BIN1: variants seen among roughly 807,000 people sequenced by gnomAD.
BIN1 encodes bridging integrator 1.
Under a neutral mutation model 82.0 loss-of-function variants are expected in BIN1, and 53 were observed. The ratio of observed to expected loss-of-function variants is 0.65; its 90% CI spans 0.52 to 0.81. The LOEUF is 0.81. Among genes scored for constraint, BIN1 ranks in the 40% least tolerant of loss-of-function variants. BIN1 has a pLI of 0.00. For synonymous variants in BIN1, 302 were observed against 328.0 expected, an observed-to-expected ratio of 0.92 and a Z score of 0.86; for missense variants, 642 against 784.4, an observed-to-expected ratio of 0.82 and a Z score of 2.17.
At chr2:127,091,189 G>T (rs1013109484) in intron 1 of BIN1, among the ~76,000 whole-genome samples, 6 of 151,954 alleles carry the variant, frequency 3.9e-5, no homozygotes, top group African/African-American at 1.5e-4. Flanking sequence ...GCTTTAGATA[G>T]CGCCCACCCA....
intron 2 of BIN1, among the ~76,000 whole-genome samples, 177 bp from the exon 3 acceptor site, chr2:127,070,993 T>C (rs1478716672): frequency 6.6e-6 from 1 of 152,100 alleles, no homozygotes; most frequent in African/African-American, 2.4e-5. Flanking sequence ...TCAGAAGCCC[T>C]GCGTCCATAG....
chr2:127,065,842 C>A (rs144499724), intron 7 of BIN1, among the ~76,000 whole-genome samples: 1 of 152,178 alleles, frequency 6.6e-6, no homozygotes, highest in Non-Finnish European at 1.5e-5. Flanking sequence ...GTCTTGTATT[C>A]CCTTTGGGTG....
intron 10 of BIN1, among the ~76,000 whole-genome samples, chr2:127,060,938 T>G (rs570690300): frequency 1.3e-5 from 2 of 152,268 alleles, no homozygotes; most frequent in African/African-American, 4.8e-5. Flanking sequence ...GCTCCAGGTG[T>G]GCCCAGAGTG....
rs759773448 is a variant in BIN1 at position 127,106,878 on chromosome 2, G to A, written c.66C>T (p.Leu22=). 4 of 1,611,426 alleles carry A rather than the reference G, an allele frequency of 2.5e-6. No individual in the cohort carries two copies. The highest frequency in any genetic ancestry group is 3.4e-6 in the Non-Finnish European group (4 of 1,179,386). The change falls in exon 1 of 19, where the codon CTC becomes CTT. Residue 22 remains leucine (L), a synonymous_variant. Coordinates refer to ENST00000316724, the MANE Select transcript of BIN1 (RefSeq NM_139343.3). The stretch of plus-strand genomic sequence containing the variant: ...CGCTCACCTTCTCCTGCGCGCGGGT[G>A]AGCTTCTTCTGCACGTTGCTGGCGA... The part of the protein sequence containing the change: ...GKIASNVQKK[L]TRAQEKVLQK...
chr2:127,105,792 C>G (rs1456678986), intron 1 of BIN1, among the ~76,000 whole-genome samples: 3 of 152,214 alleles, frequency 2.0e-5, no homozygotes, highest in Non-Finnish European at 4.4e-5. Flanking sequence ...CGCCTCCACC[C>G]GGCGGCCGCG....
chr2:127,084,448 C>G lies in BIN1; in HGVS notation c.85-7742G>C, dbSNP rs1185170287. On this transcript the variant is annotated intron_variant, in intron 1 of 18. Coordinates refer to ENST00000316724, the MANE Select transcript of BIN1 (RefSeq NM_139343.3). ...ACACGTCCTCATTCATCTCCAGGCG[C>G]TTCCTTACTTTCTGGCACTAGCAGA... Among the ~76,000 whole-genome samples the G allele has an allele frequency of 3.9e-5, 6 of 152,264 alleles. No individual in the cohort carries two copies. In the East Asian group the frequency reaches 1.2e-3, roughly 29 times the overall value.
At chr2:127,074,418 C>T (rs1686329370) in intron 2 of BIN1, among the ~76,000 whole-genome samples, 1 of 152,214 alleles carries the variant, frequency 6.6e-6, no homozygotes. Flanking sequence ...CAAACCTGAG[C>T]CCGGGGGCAG....
intron 13 of BIN1, chr2:127,053,673 A>T: frequency 1.4e-6 from 1 of 724,334 alleles, no homozygotes; most frequent in Non-Finnish European, 2.4e-6. Context: ...CCAAGCGATG[A>T]GCACAAAGTT....
intron 4 of BIN1, 47 bp from the exon 5 acceptor site, chr2:127,070,137 C>T (rs1434113994): frequency 2.6e-6 from 4 of 1,527,196 alleles, no homozygotes; most frequent in Non-Finnish European, 2.7e-6. Flanking sequence ...GGCTGGGCCA[C>T]ACCCGCCCCA....
chr2:127,079,130 C>T (rs1056828143), intron 1 of BIN1, among the ~76,000 whole-genome samples: 1 of 152,238 alleles, frequency 6.6e-6, no homozygotes, highest in African/African-American at 2.4e-5. Context: ...GACACACACT[C>T]GACCCAGTTC....
At position 127,048,453 on chromosome 2, in the gene BIN1, A is replaced by G; in HGVS notation, c.*73T>C. The G allele has an allele frequency of 6.9e-7, 1 of 1,446,170 alleles. No homozygotes were observed. Among genetic ancestry groups the G allele is most frequent in the Non-Finnish European group, 9.7e-7 (1 of 1,031,808 alleles). The allele number at this position is 1,446,170 out of a possible 1,614,324, so 89.6% of individuals were successfully genotyped here. A position where few individuals can be genotyped will look rare whatever the true frequency, so the allele number is the denominator to read the frequency against. ...TCAAAAGATGAAAAACGAAAACAAAACAAAAAAAAGAACCACACATTTTTC... is the reference window on the plus strand; with the variant it reads ...TCAAAAGATGAAAAACGAAAACAAAGCAAAAAAAAGAACCACACATTTTTC... On this transcript the variant is annotated 3_prime_UTR_variant, in exon 19 of 19. Coordinates refer to ENST00000316724, the MANE Select transcript of BIN1 (RefSeq NM_139343.3).
At chr2:127,094,018 GGAGCAGGGCTGGTCCAC>G (rs1679267986) in intron 1 of BIN1, among the ~76,000 whole-genome samples, 1 of 152,188 alleles carries the variant, frequency 6.6e-6, no homozygotes. Flanking sequence ...TCCCTGCCCT[GGAGCAGGGCTGGTCCAC>G]GAGCCGGCAC....
In BIN1 at chr2:127,082,252, G is replaced by A. The variant is rs1413985758; in HGVS notation, c.85-5546C>T. ...CCTCCTCCGTCGTCTCCCACACACA[G>A]CTCGGGTCAGCCAAGCTGGGGAGCT... On this transcript the variant is annotated intron_variant, in intron 1 of 18. Coordinates refer to ENST00000316724, the MANE Select transcript of BIN1 (RefSeq NM_139343.3). This position sits in a 1 kb window ranked among gnomAD's most constrained non-coding sequence, Gnocchi z 6.1. Among the ~76,000 whole-genome samples, 3 of 151,858 alleles carry A rather than the reference G, an allele frequency of 2.0e-5. No individual in the cohort carries two copies. Among genetic ancestry groups the A allele is most frequent in the Non-Finnish European group, 2.9e-5 (2 of 67,970 alleles).
chr2:127,048,586 G>T lies in BIN1; in HGVS notation c.1722C>A (p.His574Gln), dbSNP rs1232077489. 1.2e-6 allele frequency: 2 copies of T among 1,613,644 alleles called. No homozygotes were observed. Among genetic ancestry groups the T allele is most frequent in the African/African-American group, 2.7e-5 (2 of 74,912 alleles). The stretch of plus-strand genomic sequence containing the variant: ...CGCCACGGCACTTCTCCAGCTCCTT[G>T]TGCTGGTTCCAGTCGCTCTCCTTCA... Reference protein sequence around the residue: ...MGVKESDWNQHKELEKCRGVF... With the variant: ...MGVKESDWNQQKELEKCRGVF... The change falls in exon 19 of 19, where the codon CAC (histidine) becomes CAA (glutamine). Residue 574 changes from histidine to glutamine, a missense_variant. Transcript: ENST00000316724.
At position 127,050,793 on chromosome 2, in the gene BIN1, T is replaced by C; in HGVS notation, c.1572+9A>G. On this transcript the variant is annotated intron_variant, in intron 17 of 18. Transcript: ENST00000316724. The stretch of plus-strand genomic sequence containing the variant: ...GAGGGACTGCAGCAGTCAGAGGCTG[T>C]GGGCTCACCTTGAACATGAAACCTG... 1 of 1,613,018 alleles carries C rather than the reference T, an allele frequency of 6.2e-7. No homozygotes were observed. The highest frequency in any genetic ancestry group is 8.5e-7 in the Non-Finnish European group (1 of 1,179,626).
intron 15 of BIN1, among the ~76,000 whole-genome samples, chr2:127,051,844 A>T (rs1683000608): frequency 6.6e-6 from 1 of 152,190 alleles, no homozygotes; most frequent in Non-Finnish European, 1.5e-5. Context: ...CGACACTCAG[A>T]CTTGGCCACT....
intron 1 of BIN1, among the ~76,000 whole-genome samples, chr2:127,078,353 T>TG (rs1686882175): frequency 6.6e-6 from 1 of 152,182 alleles, no homozygotes; most frequent in African/African-American, 2.4e-5. Context: ...TGTGGGACCC[T>TG]GGGGGTAGAG....
rs573094344 is a variant in BIN1 at position 127,095,099 on chromosome 2, A to C, written c.84+11761T>G. Among the ~76,000 whole-genome samples the C allele has an allele frequency of 4.3e-4, 66 of 152,340 alleles. No homozygotes were observed. The South Asian group carries it at 0.013, about 31-fold the overall frequency. The stretch of plus-strand genomic sequence containing the variant: ...AATAAATAAACTCCTGGCTTGGTTT[A>C]TATTTCAGAAAAAGAACAAGATTTG... On this transcript the variant is annotated intron_variant, in intron 1 of 18. Coordinates refer to ENST00000316724, the MANE Select transcript of BIN1 (RefSeq NM_139343.3).
At chr2:127,058,376 C>A (rs1281617365) in intron 11 of BIN1, among the ~76,000 whole-genome samples, 1 of 152,156 alleles carries the variant, frequency 6.6e-6, no homozygotes, top group Non-Finnish European at 1.5e-5. Context: ...AGGGCGGCAG[C>A]AGAAAACGGG....
Sources: allele counts gnomAD v4.1 joint callset (sites outside exome capture counted in the v4.1 genomes callset), GRCh38; gene constraint gnomAD v4.1.1; non-coding constraint Gnocchi (gnomAD v3.1); transcripts MANE v1.5; gene names NCBI Gene and HGNC (gene_info 2026-07-23, HGNC 2026-07-21).